Variants in TTLL7 observed in about 807,000 individuals in gnomAD.
The protein encoded by TTLL7 is tubulin polyglutamylase TTLL7.
Under a neutral mutation model 120.2 loss-of-function variants are expected in TTLL7, and 53 were observed. The ratio of observed to expected loss-of-function variants is 0.44; its 90% CI spans 0.35 to 0.55. TTLL7 has a LOEUF of 0.55. TTLL7 is among the 20% of genes least tolerant of loss of function. The pLI is 0.00. For missense variants in TTLL7, 803 were observed against 1,054.7 expected (o/e 0.76, Z 3.31); for synonymous variants, 353 against 351.7 (o/e 1.00, Z -0.04).
chr1:83,895,849 T>A (rs182720667), intron 18 of TTLL7, among the ~76,000 whole-genome samples: 2 of 152,210 alleles, frequency 1.3e-5, no homozygotes, highest in African/African-American at 4.8e-5. Flanking sequence ...TCATTTCTAG[T>A]CAAATGGTAT....
intron 19 of TTLL7, chr1:83,887,252 T>G: frequency 1.6e-6 from 2 of 1,239,880 alleles, no homozygotes; most frequent in South Asian, 2.7e-5. Flanking sequence ...AATCAAACAC[T>G]TGGATTATAT....
In TTLL7 at chr1:83,882,944, A is replaced by G. The variant is rs778883145; in HGVS notation, c.2543+19T>C. The stretch of plus-strand genomic sequence containing the variant: ...ACTTTACATAAAACTCTCAAGGGTT[A>G]GAGAATGTGAACAAGTACCTGGAAT... On this transcript the variant is annotated intron_variant, in intron 20 of 20. Coordinates refer to ENST00000260505, the MANE Select transcript of TTLL7 (RefSeq NM_024686.6). 8 of 1,594,228 alleles carry G rather than the reference A, an allele frequency of 5.0e-6. No individual in the cohort carries two copies. In the South Asian group the frequency reaches 5.6e-5, roughly 11 times the overall value.
At chr1:83,937,742 A>G in intron 8 of TTLL7, 110 bp downstream of exon 8, 2 of 1,312,348 alleles carry the variant, frequency 1.5e-6, no homozygotes, top group Non-Finnish European at 2.2e-6. Context: ...GGTCCTCTCA[A>G]TTATAGGGAA....
intron 1 of TTLL7, among the ~76,000 whole-genome samples, chr1:83,966,088 G>A (rs928349550): frequency 1.3e-5 from 2 of 152,126 alleles, no homozygotes; most frequent in Non-Finnish European, 2.9e-5. Context: ...AAGATACTTT[G>A]TAGACGAAAT....
At chr1:83,896,675 G>A (rs866015373) in intron 18 of TTLL7, among the ~76,000 whole-genome samples, 1 of 151,948 alleles carries the variant, frequency 6.6e-6, no homozygotes, top group Middle Eastern at 3.2e-3. Context: ...AGCCACAGTA[G>A]GTATTAAAAA....
chr1:83,934,257 T>C (rs947647908), intron 8 of TTLL7, among the ~76,000 whole-genome samples: 1 of 152,222 alleles, frequency 6.6e-6, no homozygotes, highest in Non-Finnish European at 1.5e-5. Context: ...GTAAATCTAC[T>C]ACTTTGTAAA....
chr1:83,980,899 G>A (rs1290369079), intron 1 of TTLL7: 2 of 152,048 alleles, frequency 1.3e-5, no homozygotes, highest in Non-Finnish European at 2.9e-5. Flanking sequence ...TTAATTCAAA[G>A]TTGAAAAATG....
At chr1:83,916,775 T>TA (rs1260436194) in intron 14 of TTLL7, among the ~76,000 whole-genome samples, 1 of 152,082 alleles carries the variant, frequency 6.6e-6, no homozygotes, top group Non-Finnish European at 1.5e-5. Flanking sequence ...CCTACTCTAC[T>TA]AGCAAGAACT....
chr1:83,918,815 G>A (rs562231489), intron 13 of TTLL7, among the ~76,000 whole-genome samples: 6 of 152,288 alleles, frequency 3.9e-5, no homozygotes, highest in Admixed American at 1.3e-4. Flanking sequence ...TAGGTGAGCA[G>A]AGATGAGTGG....
chr1:83,884,863 T>TA (rs1303683200), intron 19 of TTLL7, among the ~76,000 whole-genome samples: 2 of 151,850 alleles, frequency 1.3e-5, no homozygotes, highest in African/African-American at 2.4e-5. Context: ...CCCTAAAACT[T>TA]AAAGTATAAT....
chr1:83,915,031 A>T (rs1335792424), intron 14 of TTLL7, among the ~76,000 whole-genome samples: 1 of 152,196 alleles, frequency 6.6e-6, no homozygotes, highest in Non-Finnish European at 1.5e-5. Context: ...ATGGAACAGC[A>T]GGAGAAAGAA....
Position 83,866,990 on chromosome 1 carries a change from T to C in TTLL7, c.*2972A>G, listed in dbSNP as rs906555265. 6.6e-6 allele frequency: 1 copy of C among 151,978 alleles called. No individual in the cohort carries two copies. Among genetic ancestry groups the C allele is most frequent in the African/African-American group, 2.4e-5 (1 of 41,436 alleles). 9.4% of individuals were successfully genotyped at this position (151,978 alleles called of 1,614,324 possible). A position where few individuals can be genotyped will look rare whatever the true frequency, so the allele number is the denominator to read the frequency against. ...GCATTCCAATCTTAGATTTACTGAA[T>C]GAGCAGGGATATGTTTTTCTATAGC... is the stretch of plus-strand genomic sequence containing the variant. On this transcript the variant is annotated 3_prime_UTR_variant, in exon 21 of 21. Transcript: ENST00000260505.
At chr1:83,990,850 A>C (rs1022991608) in intron 1 of TTLL7, among the ~76,000 whole-genome samples, 1 of 152,222 alleles carries the variant, frequency 6.6e-6, no homozygotes, top group East Asian at 1.9e-4. Flanking sequence ...TCAGGGTATA[A>C]TCTGAAAAAA....
intron 1 of TTLL7, among the ~76,000 whole-genome samples, chr1:83,977,613 C>G (rs1571367355): frequency 6.6e-6 from 1 of 152,088 alleles, no homozygotes; most frequent in East Asian, 1.9e-4. Flanking sequence ...AAGAGACAGG[C>G]TGCAGCATCC....
At position 83,867,188 on chromosome 1, in the gene TTLL7, A is replaced by G. The variant is rs2100684022; in HGVS notation, c.*2774T>C. On this transcript the variant is annotated 3_prime_UTR_variant, in exon 21 of 21. Coordinates refer to ENST00000260505, the MANE Select transcript of TTLL7 (RefSeq NM_024686.6). ...TGTTTTAACCTATGAATAAAAATTT[A>G]TAATAAAAACTTGGGAATATTTTAT... The G allele has an allele frequency of 6.6e-6, 1 of 152,164 alleles. No homozygotes were observed. Among genetic ancestry groups the G allele is most frequent in the East Asian group, 1.9e-4 (1 of 5,188 alleles). The allele number at this position is 152,164 out of a possible 1,614,324, so 9.4% of individuals were successfully genotyped here.
intron 8 of TTLL7, among the ~76,000 whole-genome samples, chr1:83,934,865 TA>T (rs1220309386): frequency 6.6e-6 from 1 of 152,094 alleles, no homozygotes. Flanking sequence ...AAGGTTAATG[TA>T]AGAAAAAAAT....
intron 19 of TTLL7, among the ~76,000 whole-genome samples, chr1:83,886,885 C>T (rs1655017549): frequency 6.6e-6 from 1 of 152,026 alleles, no homozygotes; most frequent in African/African-American, 2.4e-5. Flanking sequence ...CCTCAGACTT[C>T]CTCTATCCCA....
At position 83,866,021 on chromosome 1, in the gene TTLL7, C is replaced by T. The variant is rs965738069; in HGVS notation, c.*3941G>A. The T allele has an allele frequency of 6.6e-6, 1 of 151,604 alleles. No homozygotes were observed. Among genetic ancestry groups the T allele is most frequent in the Admixed American group, 6.6e-5 (1 of 15,218 alleles). 9.4% of individuals were successfully genotyped at this position (151,604 alleles called of 1,614,324 possible). A position where few individuals can be genotyped will look rare whatever the true frequency, so the allele number is the denominator to read the frequency against. On this transcript the variant is annotated 3_prime_UTR_variant, in exon 21 of 21. Coordinates refer to ENST00000260505, the MANE Select transcript of TTLL7 (RefSeq NM_024686.6). ...AACTTAAATTTCTTAAAGAGAAAAG[C>T]AAATTTTCAAAAAATCATCAGGTCA...
chr1:83,962,012 T>C (rs1171579448), intron 1 of TTLL7, among the ~76,000 whole-genome samples: 1 of 152,138 alleles, frequency 6.6e-6, no homozygotes, highest in East Asian at 1.9e-4. Context: ...CTGTTGTACT[T>C]AAGTCTCCTG....
Sources: allele counts gnomAD v4.1 joint callset (sites outside exome capture counted in the v4.1 genomes callset), GRCh38; gene constraint gnomAD v4.1.1; transcripts MANE v1.5; gene names NCBI Gene and HGNC (gene_info 2026-07-23, HGNC 2026-07-21).